RASGRF2: variants seen among roughly 807,000 people sequenced by gnomAD.
The protein encoded by RASGRF2 is ras-specific guanine nucleotide-releasing factor 2.
A neutral mutation model predicts 151.0 loss-of-function variants in RASGRF2; 76 were observed. The observed-to-expected ratio is 0.50, with a 90% CI of 0.42 to 0.61. RASGRF2 has a LOEUF of 0.61. Among genes scored for constraint, RASGRF2 ranks in the 20% least tolerant of loss-of-function variants. The pLI, the probability that RASGRF2 is intolerant of heterozygous loss-of-function variation, is 0.00. For synonymous variants in RASGRF2, 504 were observed against 566.5 expected, an observed-to-expected ratio of 0.89 and a Z score of 1.57; for missense variants, 1,148 against 1,564.6, an observed-to-expected ratio of 0.73 and a Z score of 4.49.
At chr5:81,219,930 A>G (rs1425729139) in intron 26 of RASGRF2, 152 bp downstream of exon 26, 15 of 540,350 alleles carry the variant, frequency 2.8e-5, no homozygotes, top group African/African-American at 5.9e-5. Context: ...TGATTAAAAA[A>G]AAAAAAAAAA....
At chr5:81,157,440 G>A (rs983423497) in intron 17 of RASGRF2, among the ~76,000 whole-genome samples, 2 of 151,706 alleles carry the variant, frequency 1.3e-5, no homozygotes, top group Non-Finnish European at 2.9e-5. Flanking sequence ...ACATTGCTGA[G>A]AGACATTAGT....
intron 15 of RASGRF2, among the ~76,000 whole-genome samples, chr5:81,121,659 A>C (rs1405911209): frequency 6.6e-6 from 1 of 152,174 alleles, no homozygotes; most frequent in African/African-American, 2.4e-5. Flanking sequence ...AACATTCACT[A>C]ATACCCTCTC....
chr5:80,967,010 G>A (rs1160518607), intron 1 of RASGRF2, among the ~76,000 whole-genome samples: 1 of 152,130 alleles, frequency 6.6e-6, no homozygotes, highest in African/African-American at 2.4e-5. Context: ...TACAGCTTTA[G>A]ATTAAATAAG....
chr5:81,115,518 A>G (rs567651256), intron 15 of RASGRF2, among the ~76,000 whole-genome samples: 23 of 152,206 alleles, frequency 1.5e-4, no homozygotes, highest in Non-Finnish European at 3.2e-4. Context: ...CTTTCAGATC[A>G]TGGCAAGTTT....
intron 17 of RASGRF2, among the ~76,000 whole-genome samples, chr5:81,154,284 T>C (rs1480291843): frequency 6.6e-6 from 1 of 152,226 alleles, no homozygotes; most frequent in Non-Finnish European, 1.5e-5. Context: ...ACAGAGTCTG[T>C]CTGTGATCCA....
At chr5:81,200,352 C>T (rs1382128160) in intron 18 of RASGRF2, among the ~76,000 whole-genome samples, 11 of 149,194 alleles carry the variant, frequency 7.4e-5, no homozygotes, top group Non-Finnish European at 1.3e-4. Flanking sequence ...GCATCAATAT[C>T]GATAGGGACT....
chr5:81,198,642 T>C (rs988938207), intron 18 of RASGRF2, among the ~76,000 whole-genome samples: 7 of 152,158 alleles, frequency 4.6e-5, no homozygotes, highest in African/African-American at 1.7e-4. Flanking sequence ...GGTTTCACCG[T>C]GTTAGCCAGG....
intron 1 of RASGRF2, among the ~76,000 whole-genome samples, chr5:80,962,664 GC>G (rs1437451155): frequency 1.3e-5 from 2 of 150,978 alleles, no homozygotes; most frequent in African/African-American, 4.9e-5. Flanking sequence ...AATTCATATG[GC>G]TCTCTGACTT....
intron 18 of RASGRF2, among the ~76,000 whole-genome samples, chr5:81,187,950 T>C (rs187903948): frequency 1.3e-5 from 2 of 152,348 alleles, no homozygotes; most frequent in Non-Finnish European, 2.9e-5. Flanking sequence ...TGTTCATTGT[T>C]CCAAATCTGA....
At chr5:81,069,706 G>T (rs1751715894) in intron 3 of RASGRF2, among the ~76,000 whole-genome samples, 1 of 152,152 alleles carries the variant, frequency 6.6e-6, no homozygotes, top group African/African-American at 2.4e-5. Flanking sequence ...GGGTGTATTT[G>T]GTACTGGGGA....
chr5:81,073,115 T>C, intron 4 of RASGRF2, 84 bp from the exon 5 acceptor site: 3 of 1,464,910 alleles, frequency 2.0e-6, no homozygotes, highest in Non-Finnish European at 2.8e-6. Context: ...GCAAAATTGA[T>C]TTTTAATTAT....
chr5:81,073,719 C>T (rs1020867225), intron 5 of RASGRF2, among the ~76,000 whole-genome samples: 13 of 152,102 alleles, frequency 8.5e-5, no homozygotes, highest in African/African-American at 2.4e-4. Flanking sequence ...CCCGGGTTCA[C>T]GCCATCCTCC....
chr5:81,087,719 A>T, intron 9 of RASGRF2: 1 of 293,190 alleles, frequency 3.4e-6, no homozygotes, highest in Non-Finnish European at 6.4e-6. Flanking sequence ...GCCCCAGGCA[A>T]TTGATTTGAG....
chr5:81,032,936 A>G (rs1323229520), intron 1 of RASGRF2, among the ~76,000 whole-genome samples: 3 of 152,258 alleles, frequency 2.0e-5, no homozygotes, highest in Non-Finnish European at 2.9e-5. Context: ...GCTGATAAGC[A>G]ACATCAGCAA....
At chr5:81,198,623 T>C (rs960495384) in intron 18 of RASGRF2, among the ~76,000 whole-genome samples, 4 of 152,118 alleles carry the variant, frequency 2.6e-5, no homozygotes, top group African/African-American at 9.7e-5. Flanking sequence ...ATATTTTTAG[T>C]AGAGACGGGG....
At chr5:81,149,631 A>C (rs946865854) in intron 17 of RASGRF2, among the ~76,000 whole-genome samples, 1 of 151,158 alleles carries the variant, frequency 6.6e-6, no homozygotes, top group East Asian at 1.9e-4. Flanking sequence ...AATTTTTTAC[A>C]ATTAAAAAAA....
intron 1 of RASGRF2, among the ~76,000 whole-genome samples, chr5:80,968,112 T>C (rs1231371985): frequency 1.3e-5 from 2 of 152,286 alleles, no homozygotes; most frequent in Admixed American, 1.3e-4. Flanking sequence ...GCTCTTGGCA[T>C]AGGCCTGGCA....
At chr5:81,204,766 T>C (rs6880347) in intron 19 of RASGRF2, among the ~76,000 whole-genome samples, 84,922 of 152,066 alleles carry the variant, frequency 0.56, 24,311 homozygotes, top group African/African-American at 0.67. Context: ...AAAGTCATCC[T>C]CAAACCCCAC....
chr5:81,194,139 T>C (rs533841989), intron 18 of RASGRF2, among the ~76,000 whole-genome samples: 17 of 149,788 alleles, frequency 1.1e-4, no homozygotes, highest in African/African-American at 3.9e-4. Flanking sequence ...AACCCAGGAG[T>C]TGGAGACCAG....
Sources: allele counts gnomAD v4.1 joint callset (sites outside exome capture counted in the v4.1 genomes callset), GRCh38; gene constraint gnomAD v4.1.1; transcripts MANE v1.5; gene names NCBI Gene and HGNC (gene_info 2026-07-23, HGNC 2026-07-21).